The following SORCS2 variants were observed in gnomAD, a reference collection of about 807,000 sequenced individuals.
The protein encoded by SORCS2 is VPS10 domain-containing receptor SorCS2.
SORCS2 carries 100 observed loss-of-function variants against 141.6 expected under a neutral mutation model. The observed-to-expected ratio is 0.71, with a 90% CI of 0.60 to 0.83. SORCS2 has a LOEUF of 0.83. Ranked by LOEUF, SORCS2 falls within the 40% of genes least tolerant of loss-of-function variation. The pLI is 0.00. For missense variants in SORCS2, 1,646 were observed against 1,560.2 expected (o/e 1.05, Z -0.93); for synonymous variants, 789 against 676.9 (o/e 1.17, Z -2.57).
rs533065021 is a variant in SORCS2, at chr4:7,433,521, G to T, written c.548+37166G>T. 1.1e-4 allele frequency: 173 copies of T among 1,608,548 alleles called. 3 individuals are homozygous for T. The South Asian group carries it at 1.8e-3, about 17-fold the overall frequency. The stretch of plus-strand genomic sequence containing the variant: ...CAGCCACGGGGTCCATCATGTCCTT[G>T]AGACTCTCAATGAGCACGGGCTCGT... On this transcript the variant is annotated intron_variant, in intron 2 of 26. Transcript: ENST00000507866.
rs958552016 is a variant in SORCS2, at chr4:7,193,476, C to G, written c.480+350C>G. On this transcript the variant is annotated intron_variant, in intron 1 of 26. Transcript: ENST00000507866. This position sits in a 1 kb window ranked among gnomAD's most constrained non-coding sequence, Gnocchi z 4.8. ...GCAGGTCCTTGAGGGTACCCCAGCT[C>G]GGCGTTACCTCCCCTGCCCCCAGAC... Among the ~76,000 whole-genome samples, 1 of 152,158 alleles carries G rather than the reference C, an allele frequency of 6.6e-6. No homozygotes were observed. Among genetic ancestry groups the G allele is most frequent in the African/African-American group, 2.4e-5 (1 of 41,432 alleles).
In SORCS2 at chr4:7,676,105, G is replaced by C; in HGVS notation, c.1217G>C (p.Trp406Ser). Residue 406 changes from tryptophan to serine, a missense_variant, in exon 9 of 27, where the codon TGG becomes TCG. Transcript: ENST00000507866. Reference protein sequence around the residue: ...ESQVFVAVQEWYQMDTYNLYQ... With the variant: ...ESQVFVAVQESYQMDTYNLYQ... ...CAGGTGTTCGTGGCGGTGCAGGAGT[G>C]GTACCAGATGGACACCTACAACCTG... 6.3e-7 allele frequency: 1 copy of C among 1,585,994 alleles called. No individual in the cohort carries two copies. The highest frequency in any genetic ancestry group is 2.3e-5 in the East Asian group (1 of 43,516).
chr4:7,541,761 C>T (rs140552635), intron 3 of SORCS2, among the ~76,000 whole-genome samples: 4 of 152,226 alleles, frequency 2.6e-5, no homozygotes, highest in Non-Finnish European at 5.9e-5. Flanking sequence ...CGCCTCCACA[C>T]GGAGCCCTAG....
Position 7,574,963 on chromosome 4 carries a change from A to G in SORCS2, c.648+43334A>G, listed in dbSNP as rs1008160445. Among the ~76,000 whole-genome samples the G allele has an allele frequency of 2.0e-5, 3 of 152,368 alleles. No homozygotes were observed. The East Asian group carries it at 5.8e-4, about 29-fold the overall frequency. ...GGGCCCTCCTGCAAGAGCACTCCAG[A>G]TGCCTGAGAGCCCCATTGTCTCACC... On this transcript the variant is annotated intron_variant, in intron 3 of 26. Transcript: ENST00000507866.
chr4:7,605,982 A>G (rs1488071901), intron 3 of SORCS2, among the ~76,000 whole-genome samples: 1 of 152,184 alleles, frequency 6.6e-6, no homozygotes, highest in Non-Finnish European at 1.5e-5. Context: ...AAGGATGCAC[A>G]TGCAGCCACA....
chr4:7,577,584 C>T (rs560987272), intron 3 of SORCS2, among the ~76,000 whole-genome samples: 25 of 139,118 alleles, frequency 1.8e-4, no homozygotes, highest in Admixed American at 1.3e-3. Context: ...AGCATACAGG[C>T]GAAGTCAGCT....
chr4:7,583,770 A>G (rs1716342492), intron 3 of SORCS2, among the ~76,000 whole-genome samples: 1 of 152,210 alleles, frequency 6.6e-6, no homozygotes, highest in African/African-American at 2.4e-5. Flanking sequence ...TTTATAAATT[A>G]CCCAGTCTCT....
chr4:7,564,860 G>T (rs554372588), intron 3 of SORCS2, among the ~76,000 whole-genome samples: 103 of 152,322 alleles, frequency 6.8e-4, no homozygotes, highest in Non-Finnish European at 1.2e-3. Context: ...CTAGGCAGCT[G>T]TCTGGCTTTT....
intron 3 of SORCS2, among the ~76,000 whole-genome samples, chr4:7,615,373 G>T (rs1378612260): frequency 2.0e-5 from 3 of 152,180 alleles, no homozygotes; most frequent in Admixed American, 1.3e-4. Flanking sequence ...GAGGTGCCTT[G>T]GCCTGGAGAA....
At position 7,217,545 on chromosome 4, in the gene SORCS2, G is replaced by A. The variant is rs539922197; in HGVS notation, c.480+24419G>A. ...TAAAGCCACCTGGAAGCAAAATTTG[G>A]CAAAACTTCCACCACTCTCAAACCA... On this transcript the variant is annotated intron_variant, in intron 1 of 26. Coordinates refer to ENST00000507866, the MANE Select transcript of SORCS2 (RefSeq NM_020777.3). 2.6e-5 allele frequency among the ~76,000 whole-genome samples: 4 copies of A among 152,250 alleles called. No homozygotes were observed. In the East Asian group the frequency reaches 7.7e-4, roughly 29 times the overall value.
intron 3 of SORCS2, among the ~76,000 whole-genome samples, chr4:7,533,660 C>T (rs78067991): frequency 0.017 from 2,619 of 152,326 alleles, 75 homozygotes; most frequent in African/African-American, 0.059. Flanking sequence ...GGCAAGGCAA[C>T]AGGGGCAGTA....
At chr4:7,618,943 G>A (rs950942490) in intron 3 of SORCS2, among the ~76,000 whole-genome samples, 3 of 152,178 alleles carry the variant, frequency 2.0e-5, no homozygotes, top group African/African-American at 4.8e-5. Flanking sequence ...CAGTGCGGGG[G>A]AGACTGCTGG....
Position 7,192,941 on chromosome 4 carries a change from G to T in SORCS2, c.295G>T (p.Gly99Cys). ...TEPGAPGPSP[G>C]PAPGPGEDGA... ...GCCAGGCGCCCCGGGTCCGAGTCCCGGTCCCGCTCCTGGTCCCGGCGAGGA... is the reference window on the plus strand; with the variant it reads ...GCCAGGCGCCCCGGGTCCGAGTCCCTGTCCCGCTCCTGGTCCCGGCGAGGA... The change falls in exon 1 of 27, where the codon GGT becomes TGT. Residue 99 changes from glycine (G) to cysteine (C), a missense_variant. By Grantham distance (159) the Gly-to-Cys change is radical. Transcript: ENST00000507866. This position sits in a 1 kb window ranked among gnomAD's most constrained non-coding sequence, Gnocchi z 4.0. 7.7e-7 allele frequency: 1 copy of T among 1,296,910 alleles called. No homozygotes were observed. The highest frequency in any genetic ancestry group is 9.7e-7 in the Non-Finnish European group (1 of 1,027,968). 80.3% of individuals were successfully genotyped at this position (1,296,910 alleles called of 1,614,324 possible). A position where few individuals can be genotyped will look rare whatever the true frequency, so the allele number is the denominator to read the frequency against.
chr4:7,285,837 A>G (rs1716185415), intron 1 of SORCS2, among the ~76,000 whole-genome samples: 1 of 152,204 alleles, frequency 6.6e-6, no homozygotes, highest in South Asian at 2.1e-4. Flanking sequence ...CTGTTAGAGC[A>G]GAACTGAGTG....
At chr4:7,215,633 A>G (rs149830621) in intron 1 of SORCS2, among the ~76,000 whole-genome samples, 48,360 of 151,886 alleles carry the variant, frequency 0.32, 8,396 homozygotes, top group Non-Finnish European at 0.39. Context: ...TGTCTAGCTC[A>G]GGGATTGTAA....
chr4:7,449,671 G>A (rs527807850), intron 2 of SORCS2, among the ~76,000 whole-genome samples: 51 of 151,952 alleles, frequency 3.4e-4, no homozygotes, highest in African/African-American at 5.1e-4. Flanking sequence ...AAGGTCCTCC[G>A]GAGCCCCCAC....
At chr4:7,646,929 G>A (rs538978856) in intron 4 of SORCS2, among the ~76,000 whole-genome samples, 1 of 152,284 alleles carries the variant, frequency 6.6e-6, no homozygotes, top group Non-Finnish European at 1.5e-5. Context: ...GCATCCTGTT[G>A]GTGGAGTGTG....
At chr4:7,236,208 G>A (rs1712259574) in intron 1 of SORCS2, among the ~76,000 whole-genome samples, 1 of 152,224 alleles carries the variant, frequency 6.6e-6, no homozygotes, top group South Asian at 2.1e-4. Context: ...GAAGTGTCTG[G>A]AAATGGAGGA....
At chr4:7,272,367 G>A (rs557125055) in intron 1 of SORCS2, among the ~76,000 whole-genome samples, 1 of 152,208 alleles carries the variant, frequency 6.6e-6, no homozygotes, top group South Asian at 2.1e-4. Flanking sequence ...CCTGAAGAAT[G>A]GCGTTGATTA....
Sources: allele counts gnomAD v4.1 joint callset (sites outside exome capture counted in the v4.1 genomes callset), GRCh38; gene constraint gnomAD v4.1.1; non-coding constraint Gnocchi (gnomAD v3.1); transcripts MANE v1.5; gene names NCBI Gene and HGNC (gene_info 2026-07-23, HGNC 2026-07-21).